Variants in KIAA1958 observed in about 807,000 individuals in gnomAD.
KIAA1958 encodes KIAA1958, also known as uncharacterized protein KIAA1958.
A neutral mutation model predicts 47.2 loss-of-function variants in KIAA1958; 14 were observed. That is an observed-to-expected ratio of 0.30 (90% CI 0.20 to 0.46). The LOEUF (loss-of-function observed/expected upper bound fraction) is 0.46, where lower values mean the gene tolerates loss of function less well. KIAA1958 is among the 20% of genes least tolerant of loss of function. The pLI, the probability that KIAA1958 is intolerant of heterozygous loss-of-function variation, is 1.00. For missense variants in KIAA1958, 803 were observed against 909.2 expected (o/e 0.88, Z 1.50); for synonymous variants, 354 against 353.3 (o/e 1.00, Z -0.02).
At chr9:112,512,257 T>C (rs931348345) in intron 1 of KIAA1958, among the ~76,000 whole-genome samples, 4 of 152,062 alleles carry the variant, frequency 2.6e-5, no homozygotes, top group African/African-American at 9.7e-5. Flanking sequence ...TAAAAATACC[T>C]GACAAAATTT....
intron 1 of KIAA1958, among the ~76,000 whole-genome samples, chr9:112,505,735 A>T (rs1834223282): frequency 6.6e-6 from 1 of 152,248 alleles, no homozygotes; most frequent in Non-Finnish European, 1.5e-5. Flanking sequence ...TGATTTAGGT[A>T]AATGGCCTGA....
rs1266247664 is a variant in KIAA1958 at position 112,659,738 on chromosome 9, G to C, written c.1820G>C (p.Ser607Thr). ...GACAGCGTCAAGCGGGAGAGTCGGA[G>C]CGGCTCCACCAGAGTGTGTCACGGG... The part of the protein sequence containing the change: ...RTDSVKRESR[S>T]GSTRVCHGKI... Residue 607 changes from serine to threonine, a missense_variant, in exon 4 of 4, where the codon AGC becomes ACC. Transcript: ENST00000337530. The C allele has an allele frequency of 3.1e-6, 5 of 1,614,194 alleles. No homozygotes were observed. The highest frequency in any genetic ancestry group is 1.1e-5 in the South Asian group (1 of 91,082).
intron 1 of KIAA1958, among the ~76,000 whole-genome samples, chr9:112,547,902 G>A (rs1835068653): frequency 6.6e-6 from 1 of 151,950 alleles, no homozygotes; most frequent in Non-Finnish European, 1.5e-5. Context: ...TGGGCTTCAG[G>A]ACCTCTTATC....
At chr9:112,550,774 A>C (rs181975741) in intron 1 of KIAA1958, among the ~76,000 whole-genome samples, 1 of 152,170 alleles carries the variant, frequency 6.6e-6, no homozygotes, top group Non-Finnish European at 1.5e-5. Flanking sequence ...TTTGTCAGTC[A>C]TGTAAACTTG....
At chr9:112,525,068 TA>T (rs1170930750) in intron 1 of KIAA1958, among the ~76,000 whole-genome samples, 2 of 152,220 alleles carry the variant, frequency 1.3e-5, no homozygotes, top group African/African-American at 4.8e-5. Context: ...CATTTGTATC[TA>T]AACCAGTTGA....
chr9:112,513,056 G>A (rs1834348358), intron 1 of KIAA1958, among the ~76,000 whole-genome samples: 1 of 132,184 alleles, frequency 7.6e-6, no homozygotes, highest in Non-Finnish European at 1.6e-5. Flanking sequence ...CCAGGCTGGA[G>A]TGCAGTGGCG....
At chr9:112,528,707 A>G (rs1834702593) in intron 1 of KIAA1958, among the ~76,000 whole-genome samples, 2 of 147,846 alleles carry the variant, frequency 1.4e-5, no homozygotes, top group South Asian at 4.4e-4. Flanking sequence ...TTTCGTAGAG[A>G]TGGGGTTTCA....
intron 2 of KIAA1958, among the ~76,000 whole-genome samples, chr9:112,628,771 A>AAT (rs1199825659): frequency 2.0e-5 from 3 of 152,054 alleles, no homozygotes; most frequent in Non-Finnish European, 4.4e-5. Flanking sequence ...AAATCAAAAA[A>AAT]ATATATATAT....
At chr9:112,634,973 A>G (rs1297571409) in intron 2 of KIAA1958, among the ~76,000 whole-genome samples, 1 of 151,756 alleles carries the variant, frequency 6.6e-6, no homozygotes, top group Non-Finnish European at 1.5e-5. Context: ...TTTGTTTATG[A>G]TGTGAGGTAG....
intron 2 of KIAA1958, among the ~76,000 whole-genome samples, chr9:112,626,517 TA>T: frequency 6.6e-6 from 1 of 152,176 alleles, no homozygotes; most frequent in East Asian, 1.9e-4. Context: ...TTGTTTGTGA[TA>T]AGTAGAATTA....
At chr9:112,517,368 A>C (rs1288559262) in intron 1 of KIAA1958, among the ~76,000 whole-genome samples, 2 of 152,216 alleles carry the variant, frequency 1.3e-5, no homozygotes, top group African/African-American at 4.8e-5. Context: ...TTTATTTTTG[A>C]AAAATTTTTT....
At chr9:112,570,629 G>A (rs76716795) in intron 1 of KIAA1958, among the ~76,000 whole-genome samples, 1 of 152,174 alleles carries the variant, frequency 6.6e-6, no homozygotes, top group African/African-American at 2.4e-5. Context: ...AGTCTCTTCT[G>A]TTGTGTTGTA....
At chr9:112,638,909 T>A (rs1836852198) in intron 2 of KIAA1958, among the ~76,000 whole-genome samples, 2 of 152,222 alleles carry the variant, frequency 1.3e-5, no homozygotes, top group African/African-American at 4.8e-5. Flanking sequence ...AATTCTCAAT[T>A]CATTATTGCC....
At chr9:112,609,893 A>G (rs1007938208) in intron 2 of KIAA1958, among the ~76,000 whole-genome samples, 3 of 152,172 alleles carry the variant, frequency 2.0e-5, no homozygotes, top group African/African-American at 7.2e-5. Context: ...GCCAAGGAGA[A>G]GAAAAGTGGA....
At chr9:112,609,442 TA>T (rs1251834943) in intron 2 of KIAA1958, among the ~76,000 whole-genome samples, 1 of 152,182 alleles carries the variant, frequency 6.6e-6, no homozygotes, top group Non-Finnish European at 1.5e-5. Context: ...GAATTTACTG[TA>T]AAAAATTTTA....
chr9:112,545,825 G>GTGGTT (rs60211721), intron 1 of KIAA1958, among the ~76,000 whole-genome samples: 5 of 93,060 alleles, frequency 5.4e-5, no homozygotes, highest in African/African-American at 1.6e-4. Context: ...AGGTTTCTTT[G>GTGGTT]TTTTTTTTTT....
chr9:112,639,106 C>A (rs1034115079), intron 2 of KIAA1958, among the ~76,000 whole-genome samples: 3 of 152,176 alleles, frequency 2.0e-5, no homozygotes, highest in Non-Finnish European at 2.9e-5. Flanking sequence ...ATAATATAAT[C>A]ATCAAAATTA....
intron 1 of KIAA1958, among the ~76,000 whole-genome samples, chr9:112,563,676 G>T (rs1835376058): frequency 6.6e-6 from 1 of 151,586 alleles, no homozygotes; most frequent in Non-Finnish European, 1.5e-5. Flanking sequence ...TATAGGATCA[G>T]TTTTACTTCT....
rs141479985 is a variant in KIAA1958, at chr9:112,659,311, G to A, written c.1393G>A (p.Val465Ile). 1.9e-5 allele frequency: 30 copies of A among 1,613,836 alleles called. No homozygotes were observed. Among genetic ancestry groups the A allele is most frequent in the East Asian group, 1.3e-4 (6 of 44,864 alleles). Residue 465 changes from valine to isoleucine, a missense_variant, in exon 4 of 4, where the codon GTC becomes ATC. Around this residue, in one of 2 missense-constraint regions of KIAA1958, gnomAD observed 761 missense variants for 829.3 expected, o/e 0.92. Coordinates refer to ENST00000337530, the MANE Select transcript of KIAA1958 (RefSeq NM_133465.4). ...GCTGCTCGAGAACTTTTATGTCACC[G>A]TCAAGAAGAGCGACGGCTCGGACTT... Reference protein sequence around the residue: ...NELLENFYVTVKKSDGSDFLA... With the variant: ...NELLENFYVTIKKSDGSDFLA...
Sources: allele counts gnomAD v4.1 joint callset (sites outside exome capture counted in the v4.1 genomes callset), GRCh38; gene constraint gnomAD v4.1.1; regional missense constraint gnomAD v4.1.1; transcripts MANE v1.5; gene names NCBI Gene and HGNC (gene_info 2026-07-23, HGNC 2026-07-21).